TOGARAM2: variants seen among roughly 807,000 people sequenced by gnomAD.
TOGARAM2 encodes the protein TOG array regulator of axonemal microtubules 2, also known as TOG array regulator of axonemal microtubules protein 2.
Under a neutral mutation model 93.3 loss-of-function variants are expected in TOGARAM2, and 85 were observed. The observed-to-expected ratio is 0.91, with a 90% CI of 0.76 to 1.09. TOGARAM2 has a LOEUF of 1.09. Among genes scored for constraint, TOGARAM2 ranks in the 50% least tolerant of loss-of-function variants. The pLI is 0.00. For missense variants in TOGARAM2, 1,277 were observed against 1,334.5 expected (o/e 0.96, Z 0.67); for synonymous variants, 593 against 552.8 (o/e 1.07, Z -1.02).
intron 1 of TOGARAM2, among the ~76,000 whole-genome samples, chr2:28,973,819 TTGAC>T (rs1342232100): frequency 6.6e-6 from 1 of 152,122 alleles, no homozygotes; most frequent in African/African-American, 2.4e-5. Flanking sequence ...ATGAGCCACT[TTGAC>T]TGACCTGCCC....
intron 1 of TOGARAM2, among the ~76,000 whole-genome samples, chr2:28,986,654 T>C (rs186958226): frequency 0.012 from 1,823 of 152,334 alleles, 34 homozygotes; most frequent in African/African-American, 0.042. Context: ...AAGGACCTCC[T>C]GCTGCACAAG....
At chr2:28,966,477 T>C (rs1671870106) in intron 1 of TOGARAM2, among the ~76,000 whole-genome samples, 1 of 151,966 alleles carries the variant, frequency 6.6e-6, no homozygotes, top group South Asian at 2.1e-4. Context: ...TTTGTATTTT[T>C]AGTAGAGATG....
chr2:29,023,885 G>A (rs1665142730), intron 12 of TOGARAM2, among the ~76,000 whole-genome samples: 1 of 152,218 alleles, frequency 6.6e-6, no homozygotes. Context: ...GACATTCTTT[G>A]TAAAAGTGCT....
At chr2:29,011,005 G>A (rs773441375) in intron 6 of TOGARAM2, among the ~76,000 whole-genome samples, 27 of 152,118 alleles carry the variant, frequency 1.8e-4, no homozygotes, top group Non-Finnish European at 3.8e-4. Context: ...AATCACGAGT[G>A]GGACTATTTA....
chr2:29,004,696 AAG>A (rs1389907905), intron 6 of TOGARAM2, among the ~76,000 whole-genome samples: 6 of 151,894 alleles, frequency 4.0e-5, no homozygotes, highest in South Asian at 4.2e-4. Context: ...ATGTGAGTAC[AAG>A]AGTGTGTGTG....
At chr2:29,010,077 G>A (rs565857139) in intron 6 of TOGARAM2, among the ~76,000 whole-genome samples, 2 of 151,950 alleles carry the variant, frequency 1.3e-5, no homozygotes, top group Non-Finnish European at 2.9e-5. Flanking sequence ...CAGAGCGGGG[G>A]AGGCTGCAGC....
chr2:29,025,170 C>G lies in TOGARAM2; in HGVS notation c.1853+796C>G, dbSNP rs60877593. ...CATACTGCAAAGGGTGAGATCCTGC[C>G]CAGCCACATTGCCTGGGTTCACATC... On this transcript the variant is annotated intron_variant, in intron 13 of 19. Transcript: ENST00000379558. Among the ~76,000 whole-genome samples, 252 of 152,204 alleles carry G rather than the reference C, an allele frequency of 1.7e-3. 1 individual carries two copies. Among genetic ancestry groups the G allele is most frequent in the African/African-American group, 5.9e-3 (246 of 41,534 alleles).
At chr2:28,990,991 GGTGTGTGTGTGTGTGT>G (rs70958233) in intron 1 of TOGARAM2, among the ~76,000 whole-genome samples, 75 of 119,860 alleles carry the variant, frequency 6.3e-4, no homozygotes, top group South Asian at 2.9e-3. Flanking sequence ...GTGTGTGAAG[GGTGTGTGTGTGTGTGT>G]GTGTGTGTGT....
chr2:28,996,622 G>GACC (rs1673001283), intron 2 of TOGARAM2, among the ~76,000 whole-genome samples: 1 of 151,862 alleles, frequency 6.6e-6, no homozygotes, highest in South Asian at 2.1e-4. Context: ...AGGATTTCGA[G>GACC]ACCAGCCTGG....
intron 10 of TOGARAM2, 89 bp from the exon 11 acceptor site, chr2:29,022,069 C>A: frequency 6.4e-7 from 1 of 1,568,792 alleles, no homozygotes. Context: ...GTGGCACGGC[C>A]TCCCATGGTG....
chr2:29,002,570 TCC>T lies in TOGARAM2; in HGVS notation c.465_466del (p.Leu156AlafsTer30), dbSNP rs1673365078. 6.2e-7 allele frequency: 1 copy of T among 1,613,702 alleles called. No individual in the cohort carries two copies. The highest frequency in any genetic ancestry group is 1.3e-5 in the African/African-American group (1 of 74,898). ...ATCCAGGGGGAGGCCCCCAAGGAGT[TCC>T]CCTGCACAGCACCATCCCCCGAGCC... Reference protein sequence around the residue: ...LDPGGGPQGVPLHSTIPRATS... With the variant: ...LDPGGGPQGVXLHSTIPRATS... On this transcript the variant is annotated frameshift_variant, in exon 5 of 20. Transcript: ENST00000379558. LOFTEE classifies it high-confidence loss of function.
At chr2:28,987,329 A>G (rs1218751792) in intron 1 of TOGARAM2, among the ~76,000 whole-genome samples, 2 of 152,196 alleles carry the variant, frequency 1.3e-5, no homozygotes, top group Non-Finnish European at 2.9e-5. Flanking sequence ...TTGCTTTGTC[A>G]CCTAGGCTGG....
intron 18 of TOGARAM2, among the ~76,000 whole-genome samples, chr2:29,038,081 T>C (rs1666224495): frequency 6.6e-6 from 1 of 152,190 alleles, no homozygotes; most frequent in Non-Finnish European, 1.5e-5. Context: ...GCAAAAAATC[T>C]AGTGTCTCAT....
upstream of TOGARAM2, among the ~76,000 whole-genome samples, chr2:28,977,859 C>A (rs531971265): frequency 2.8e-4 from 42 of 151,746 alleles, no homozygotes; most frequent in African/African-American, 9.7e-4. Flanking sequence ...CCCTTGGGAG[C>A]ACGTGGGTGG....
intron 1 of TOGARAM2, among the ~76,000 whole-genome samples, chr2:28,962,768 C>A (rs1305997328): frequency 2.4e-5 from 3 of 125,944 alleles, no homozygotes; most frequent in African/African-American, 8.9e-5. Context: ...CTCCCCTTCC[C>A]TCCCCTCCCC....
intron 1 of TOGARAM2, among the ~76,000 whole-genome samples, chr2:28,975,717 G>C (rs1382087253): frequency 1.3e-5 from 2 of 152,084 alleles, no homozygotes; most frequent in Non-Finnish European, 2.9e-5. Context: ...GTATTGTGTT[G>C]TGAGATTCTA....
upstream of TOGARAM2, among the ~76,000 whole-genome samples, chr2:28,978,646 G>C (rs1003714133): frequency 1.3e-5 from 2 of 152,174 alleles, no homozygotes; most frequent in Non-Finnish European, 2.9e-5. Flanking sequence ...GCTATCCCCT[G>C]TGGATGTGGA....
At chr2:28,999,674 C>T (rs904446981) in intron 4 of TOGARAM2, among the ~76,000 whole-genome samples, 42 of 152,228 alleles carry the variant, frequency 2.8e-4, no homozygotes, top group Admixed American at 2.2e-3. Flanking sequence ...CAGTGCTTCC[C>T]GACTGGCCTC....
rs779420895 is a variant in TOGARAM2, at chr2:29,036,758, G to A, written c.2635+1G>A. The A allele has an allele frequency of 6.2e-7, 1 of 1,611,738 alleles. No homozygotes were observed. Among genetic ancestry groups the A allele is most frequent in the South Asian group, 1.1e-5 (1 of 90,564 alleles). The stretch of plus-strand genomic sequence containing the variant: ...CTGGATGCGATGGTTGAGAGCCTGG[G>A]TGAGTGTCCCACGTGGGCCTGTGTG... On this transcript the variant is annotated splice_donor_variant, in intron 18 of 19. Transcript: ENST00000379558. LOFTEE classifies it high-confidence loss of function.
Sources: allele counts gnomAD v4.1 joint callset (sites outside exome capture counted in the v4.1 genomes callset), GRCh38; gene constraint gnomAD v4.1.1; transcripts MANE v1.5; gene names NCBI Gene and HGNC (gene_info 2026-07-23, HGNC 2026-07-21).